The following CADM1 variants were observed in gnomAD, a reference collection of about 807,000 sequenced individuals.
CADM1 encodes TSLC-1.
Under a neutral mutation model 53.1 loss-of-function variants are expected in CADM1, and 15 were observed. The observed-to-expected ratio is 0.28, with a 90% CI of 0.19 to 0.44. The LOEUF (loss-of-function observed/expected upper bound fraction) is 0.44, where lower values mean the gene tolerates loss of function less well. Among genes scored for constraint, CADM1 ranks in the 20% least tolerant of loss-of-function variants. The pLI, the probability that CADM1 is intolerant of heterozygous loss-of-function variation, is 1.00. For synonymous variants in CADM1, 281 were observed against 243.0 expected (o/e 1.16, Z -1.45); for missense variants, 434 against 611.3 (o/e 0.71, Z 3.06).
intron 1 of CADM1, among the ~76,000 whole-genome samples, chr11:115,503,225 A>G (rs1427241828): frequency 6.6e-6 from 1 of 152,156 alleles, no homozygotes; most frequent in Non-Finnish European, 1.5e-5. Flanking sequence ...AAAAGCAAAC[A>G]CTGCCCTCTT....
chr11:115,308,957 T>C (rs1168385621), intron 1 of CADM1, among the ~76,000 whole-genome samples: 1 of 152,138 alleles, frequency 6.6e-6, no homozygotes, highest in African/African-American at 2.4e-5. Flanking sequence ...TCAGTTAAAC[T>C]ATGTGTTACA....
intron 1 of CADM1, among the ~76,000 whole-genome samples, chr11:115,479,282 T>C (rs1949206250): frequency 6.6e-6 from 1 of 152,162 alleles, no homozygotes; most frequent in South Asian, 2.1e-4. Context: ...TATGTTCAAA[T>C]TCTACATTAA....
intron 2 of CADM1, 124 bp from the exon 3 acceptor site, chr11:115,238,776 T>A: frequency 1.1e-6 from 1 of 924,536 alleles, no homozygotes; most frequent in Non-Finnish European, 1.7e-6. Context: ...GTGTTTGCAG[T>A]AACTTCATGT....
chr11:115,440,813 C>T (rs1423048114), intron 1 of CADM1, among the ~76,000 whole-genome samples: 1 of 152,100 alleles, frequency 6.6e-6, no homozygotes, highest in Non-Finnish European at 1.5e-5. Flanking sequence ...GGGTCTCACT[C>T]CATTGCCCAC....
intron 1 of CADM1, among the ~76,000 whole-genome samples, chr11:115,352,371 C>G (rs1945760082): frequency 6.6e-6 from 1 of 152,194 alleles, no homozygotes; most frequent in South Asian, 2.1e-4. Context: ...AATCCTCACG[C>G]ACTTGTGCAA....
At chr11:115,368,485 A>T (rs1946228818) in intron 1 of CADM1, among the ~76,000 whole-genome samples, 2 of 152,214 alleles carry the variant, frequency 1.3e-5, no homozygotes, top group Admixed American at 6.5e-5. Context: ...TGTTCAAAAT[A>T]AAGTACTGTA....
At chr11:115,335,249 C>G (rs1363636278) in intron 1 of CADM1, among the ~76,000 whole-genome samples, 1 of 152,106 alleles carries the variant, frequency 6.6e-6, no homozygotes, top group East Asian at 1.9e-4. Context: ...TATGAATCCA[C>G]TTAATAAACC....
In CADM1 at chr11:115,183,907, G is replaced by C. The variant is rs1223204475; in HGVS notation, c.1166-5132C>G. On this transcript the variant is annotated intron_variant, in intron 10 of 11. Coordinates refer to ENST00000331581, the MANE Select transcript of CADM1 (RefSeq NM_001301043.2). ...AGCGTTCTGTGCTTCCCCCATCCGT[G>C]GATGACTGGAGGAAAAGAATTGTTG... Among the ~76,000 whole-genome samples, 4 of 152,296 alleles carry C rather than the reference G, an allele frequency of 2.6e-5. No homozygotes were observed. The East Asian group carries it at 7.7e-4, about 29-fold the overall frequency.
chr11:115,473,192 C>G (rs1235894919), intron 1 of CADM1, among the ~76,000 whole-genome samples: 3 of 152,218 alleles, frequency 2.0e-5, no homozygotes, highest in Admixed American at 2.0e-4. Context: ...GGCATGATGG[C>G]TCACGTGTAT....
In CADM1 at chr11:115,172,574, T is replaced by C. The variant is rs1454361162; in HGVS notation, c.*3900A>G. 1 of 152,338 alleles carries C rather than the reference T, an allele frequency of 6.6e-6. No individual in the cohort carries two copies. The highest frequency in any genetic ancestry group is 6.5e-5 in the Admixed American group (1 of 15,278). 9.4% of individuals were successfully genotyped at this position (152,338 alleles called of 1,614,324 possible). On this transcript the variant is annotated 3_prime_UTR_variant, in exon 12 of 12. Coordinates refer to ENST00000331581, the MANE Select transcript of CADM1 (RefSeq NM_001301043.2). ...TCTCATAGCACTCTCTGGGCTTCTCTGTGTTCAGTGGGGCACCCATGGCTC... is the reference window on the plus strand; with the variant it reads ...TCTCATAGCACTCTCTGGGCTTCTCCGTGTTCAGTGGGGCACCCATGGCTC...
At chr11:115,503,720 G>T (rs757356751) in intron 1 of CADM1, among the ~76,000 whole-genome samples, 1 of 152,186 alleles carries the variant, frequency 6.6e-6, no homozygotes, top group Non-Finnish European at 1.5e-5. Flanking sequence ...CGCGTTGGGG[G>T]AAGGGGCAGG....
chr11:115,314,296 A>G (rs899655134), intron 1 of CADM1, among the ~76,000 whole-genome samples: 1 of 152,136 alleles, frequency 6.6e-6, no homozygotes, highest in African/African-American at 2.4e-5. Flanking sequence ...GAGCCACTAA[A>G]CAATTAAGTT....
intron 1 of CADM1, among the ~76,000 whole-genome samples, chr11:115,368,213 G>A (rs4328244): frequency 1 from 148,222 of 148,222 alleles, 74,111 homozygotes; most frequent in Non-Finnish European, 1. Flanking sequence ...GGTGTGGCAC[G>A]GTTACCACAA....
chr11:115,440,984 C>CA (rs764615590), intron 1 of CADM1, among the ~76,000 whole-genome samples: 8 of 151,954 alleles, frequency 5.3e-5, no homozygotes, highest in Non-Finnish European at 1.0e-4. Flanking sequence ...CTCATTATGT[C>CA]ACCCAGGCTG....
At chr11:115,181,892 G>T (rs1280133328) in intron 10 of CADM1, among the ~76,000 whole-genome samples, 4 of 152,188 alleles carry the variant, frequency 2.6e-5, no homozygotes, top group African/African-American at 9.7e-5. Flanking sequence ...CTGCCCAGGG[G>T]GGAACTGGGC....
intron 1 of CADM1, among the ~76,000 whole-genome samples, chr11:115,350,003 C>A (rs1196781354): frequency 6.6e-6 from 1 of 152,100 alleles, no homozygotes; most frequent in Non-Finnish European, 1.5e-5. Flanking sequence ...TGGAGTTTCG[C>A]TCTTGTGGCC....
chr11:115,358,855 C>G (rs1455783215), intron 1 of CADM1, among the ~76,000 whole-genome samples: 1 of 152,128 alleles, frequency 6.6e-6, no homozygotes, highest in Admixed American at 6.6e-5. Flanking sequence ...CTAAGAGTTT[C>G]CTTTGCAAAT....
intron 1 of CADM1, among the ~76,000 whole-genome samples, chr11:115,349,503 T>C (rs890425634): frequency 2.0e-5 from 3 of 152,144 alleles, no homozygotes; most frequent in Admixed American, 6.5e-5. Context: ...ATAATTAGCA[T>C]CGTAAAAATA....
intron 1 of CADM1, among the ~76,000 whole-genome samples, chr11:115,241,423 C>T (rs572074413): frequency 1.2e-4 from 18 of 152,246 alleles, no homozygotes; most frequent in African/African-American, 4.1e-4. Context: ...ACTTACAGAA[C>T]AAAAAGTGTG....
Sources: allele counts gnomAD v4.1 joint callset (sites outside exome capture counted in the v4.1 genomes callset), GRCh38; gene constraint gnomAD v4.1.1; transcripts MANE v1.5; gene names NCBI Gene and HGNC (gene_info 2026-07-23, HGNC 2026-07-21).